Variants in KLF8 observed in about 807,000 individuals in gnomAD.
KLF8 encodes the protein KLF transcription factor 8.
KLF8 carries 10 observed loss-of-function variants against 18.2 expected under a neutral mutation model. The observed-to-expected ratio is 0.55, with a 90% CI of 0.34 to 0.93. KLF8 has a LOEUF of 0.93. KLF8 is among the 40% of genes least tolerant of loss of function. The pLI is 0.02. For synonymous variants in KLF8, 109 were observed against 97.3 expected, an observed-to-expected ratio of 1.12 and a Z score of -0.71; for missense variants, 264 against 277.9, an observed-to-expected ratio of 0.95 and a Z score of 0.36.
At chrX:56,260,865 A>G (rs1485301795) in intron 2 of KLF8, among the ~76,000 whole-genome samples, 2 of 111,881 alleles carry the variant, frequency 1.8e-5, no homozygotes, top group East Asian at 5.6e-4. Flanking sequence ...CCTAGGCTTT[A>G]TCGTGTTTCT....
chrX:55,915,531 G>T, the KLF8 span, among the ~76,000 whole-genome samples: 1 of 111,881 alleles, frequency 8.9e-6, no homozygotes, highest in Admixed American at 9.5e-5. Context: ...GCTGACCGAG[G>T]TCACAACTCA....
chrX:56,149,103 A>T, the KLF8 span, among the ~76,000 whole-genome samples: 1 of 112,087 alleles, frequency 8.9e-6, no homozygotes. Flanking sequence ...AGGAGTGGTT[A>T]CATTAGTTCC....
At chrX:55,986,543 A>C in the KLF8 span, among the ~76,000 whole-genome samples, 2 of 111,934 alleles carry the variant, frequency 1.8e-5, no homozygotes, top group Non-Finnish European at 3.8e-5. Flanking sequence ...TGGATATTTT[A>C]GCTGAAGATG....
the KLF8 span, among the ~76,000 whole-genome samples, chrX:56,053,014 G>A: frequency 8.1e-5 from 9 of 111,763 alleles, no homozygotes; most frequent in Non-Finnish European, 1.5e-4. Context: ...TAGTCAGGTG[G>A]GAGTGACCCG....
At chrX:55,942,036 T>C in the KLF8 span, among the ~76,000 whole-genome samples, 1 of 111,529 alleles carries the variant, frequency 9.0e-6, no homozygotes, top group Admixed American at 9.6e-5. Flanking sequence ...CAAAGGACTA[T>C]AAGTCATGCT....
chrX:55,973,586 A>G, the KLF8 span, among the ~76,000 whole-genome samples: 1 of 112,515 alleles, frequency 8.9e-6, no homozygotes, highest in Admixed American at 9.4e-5. Context: ...CAACAAGCAT[A>G]TGAAAAATTC....
At chrX:56,205,899 A>T in the KLF8 span, among the ~76,000 whole-genome samples, 14 of 111,779 alleles carry the variant, frequency 1.3e-4, no homozygotes, top group Non-Finnish European at 2.3e-4. Context: ...TAATAAAGAC[A>T]TACCCAAGAC....
At chrX:56,160,442 C>T in the KLF8 span, among the ~76,000 whole-genome samples, 1 of 111,077 alleles carries the variant, frequency 9.0e-6, no homozygotes, top group Non-Finnish European at 1.9e-5. Context: ...CCTGGATATC[C>T]TTGTTAACTT....
At chrX:56,143,472 A>G in the KLF8 span, among the ~76,000 whole-genome samples, 5 of 112,196 alleles carry the variant, frequency 4.5e-5, no homozygotes, top group Admixed American at 9.5e-5. Flanking sequence ...TATTTTTCTT[A>G]TTCACTAATA....
chrX:56,107,753 G>A, the KLF8 span, among the ~76,000 whole-genome samples: 7 of 111,275 alleles, frequency 6.3e-5, no homozygotes, highest in Admixed American at 2.9e-4. Flanking sequence ...GTCCCAGTGA[G>A]ATTAACCAGG....
chrX:56,154,272 C>T, the KLF8 span, among the ~76,000 whole-genome samples: 1 of 110,344 alleles, frequency 9.1e-6, no homozygotes, highest in African/African-American at 3.4e-5. Context: ...ACCAATGGAA[C>T]AGAACAGAGC....
the KLF8 span, among the ~76,000 whole-genome samples, chrX:56,158,531 G>A: frequency 2.7e-5 from 3 of 111,759 alleles, no homozygotes; most frequent in African/African-American, 9.7e-5. Flanking sequence ...AGTATGGAAT[G>A]TTCTTCCATT....
chrX:56,095,056 A>G, the KLF8 span, among the ~76,000 whole-genome samples: 1 of 111,554 alleles, frequency 9.0e-6, no homozygotes, highest in African/African-American at 3.2e-5. Context: ...CAATCTTGAG[A>G]AAAAAATGGA....
At chrX:56,237,803 C>T (rs1390937074) in intron 1 of KLF8, among the ~76,000 whole-genome samples, 1 of 111,870 alleles carries the variant, frequency 8.9e-6, no homozygotes, top group African/African-American at 3.2e-5. Flanking sequence ...GCTGGGAGTC[C>T]ATGATCAGGG....
At chrX:56,222,363 G>A in the KLF8 span, among the ~76,000 whole-genome samples, 14 of 110,086 alleles carry the variant, frequency 1.3e-4, no homozygotes, top group South Asian at 7.9e-4. Flanking sequence ...CACCAGATTC[G>A]CTAGATACAG....
the KLF8 span, among the ~76,000 whole-genome samples, chrX:55,938,074 A>G: frequency 9.0e-6 from 1 of 111,081 alleles, no homozygotes; most frequent in Non-Finnish European, 1.9e-5. Context: ...CATAATTGTC[A>G]GATTCACCAA....
At chrX:56,109,516 G>T in the KLF8 span, among the ~76,000 whole-genome samples, 1 of 110,958 alleles carries the variant, frequency 9.0e-6, no homozygotes, top group Non-Finnish European at 1.9e-5. Flanking sequence ...TTAGTTTATA[G>T]TGTTTTCCAT....
the KLF8 span, among the ~76,000 whole-genome samples, chrX:56,078,198 G>A: frequency 8.9e-6 from 1 of 111,897 alleles, no homozygotes; most frequent in African/African-American, 3.3e-5. Flanking sequence ...AGTGGTGAGA[G>A]AGGGCATCCC....
At chrX:56,026,018 C>T in the KLF8 span, among the ~76,000 whole-genome samples, 2 of 112,065 alleles carry the variant, frequency 1.8e-5, no homozygotes, top group Non-Finnish European at 3.8e-5. Context: ...ATGCTTCGGC[C>T]GTGCGTAGAC....
Sources: allele counts gnomAD v4.1 joint callset (sites outside exome capture counted in the v4.1 genomes callset), GRCh38; gene constraint gnomAD v4.1.1; transcripts MANE v1.5; gene names NCBI Gene and HGNC (gene_info 2026-07-23, HGNC 2026-07-21).